The following TANGO6 variants were observed in gnomAD, a reference collection of about 807,000 sequenced individuals.
TANGO6 encodes the protein transport and golgi organization 6 homolog.
In TANGO6, 90 loss-of-function variants were observed where a neutral mutation model predicts 114.2. The observed-to-expected ratio is 0.79, with a 90% CI of 0.66 to 0.94. The LOEUF is 0.94. Ranked by LOEUF, TANGO6 falls within the 40% of genes least tolerant of loss-of-function variation. TANGO6 has a pLI of 0.00. For synonymous variants in TANGO6, 477 were observed against 509.8 expected (o/e 0.94, Z 0.87); for missense variants, 1,274 against 1,315.3 (o/e 0.97, Z 0.49).
chr16:69,046,922 A>G (rs899938129), intron 17 of TANGO6, among the ~76,000 whole-genome samples: 1 of 152,102 alleles, frequency 6.6e-6, no homozygotes, highest in Non-Finnish European at 1.5e-5. Flanking sequence ...CACGCCTGTA[A>G]TCCCAGCACT....
At chr16:68,980,435 A>ATATATATATTTT (rs1317961639) in intron 15 of TANGO6, among the ~76,000 whole-genome samples, 8 of 61,776 alleles carry the variant, frequency 1.3e-4, no homozygotes, top group African/African-American at 5.0e-4. Context: ...ATATATATAT[A>ATATATATATTTT]TTTTTTTTTT....
chr16:68,850,430 C>A (rs1293547182), intron 1 of TANGO6, among the ~76,000 whole-genome samples: 4 of 152,064 alleles, frequency 2.6e-5, no homozygotes, highest in Non-Finnish European at 1.5e-5. Context: ...AATGTGTAAT[C>A]ACACAATACA....
chr16:68,985,346 G>A (rs530959021), intron 15 of TANGO6, among the ~76,000 whole-genome samples: 5 of 152,246 alleles, frequency 3.3e-5, no homozygotes, highest in Admixed American at 6.5e-5. Context: ...AACTCCTTTT[G>A]ATGATTCTTT....
chr16:68,986,606 T>C (rs1012029185), intron 15 of TANGO6, among the ~76,000 whole-genome samples: 72 of 152,044 alleles, frequency 4.7e-4, no homozygotes, highest in Middle Eastern at 3.2e-3. Context: ...AATCCAATTT[T>C]AGAAAACGTA....
At chr16:68,917,567 G>A (rs546342141) in intron 11 of TANGO6, among the ~76,000 whole-genome samples, 6 of 152,278 alleles carry the variant, frequency 3.9e-5, no homozygotes, top group African/African-American at 1.2e-4. Context: ...ATCCTCACCA[G>A]CATTCCTGGT....
intron 7 of TANGO6, among the ~76,000 whole-genome samples, chr16:68,891,292 CA>C (rs534661540): frequency 0.011 from 927 of 84,874 alleles, no homozygotes; most frequent in African/African-American, 0.014. Context: ...AACTCCATCT[CA>C]AAAAAAAAAA....
chr16:68,893,335 C>T (rs947916737), intron 7 of TANGO6, among the ~76,000 whole-genome samples: 2 of 152,046 alleles, frequency 1.3e-5, no homozygotes, highest in Non-Finnish European at 2.9e-5. Context: ...AACTGGTCAG[C>T]GGAAATATTC....
chr16:68,926,478 A>G (rs1963168870), intron 12 of TANGO6, among the ~76,000 whole-genome samples: 1 of 151,960 alleles, frequency 6.6e-6, no homozygotes, highest in Admixed American at 6.6e-5. Flanking sequence ...TAGGCAGCAG[A>G]GCGAGACTCC....
chr16:68,932,887 A>G (rs1287923910), intron 14 of TANGO6, among the ~76,000 whole-genome samples: 3 of 152,242 alleles, frequency 2.0e-5, no homozygotes, highest in African/African-American at 7.2e-5. Flanking sequence ...TTAGTTTACT[A>G]TTCTATCATA....
chr16:68,932,777 G>T (rs1455114918), intron 14 of TANGO6, among the ~76,000 whole-genome samples: 1 of 151,544 alleles, frequency 6.6e-6, no homozygotes, highest in East Asian at 1.9e-4. Flanking sequence ...GCAACAGAGT[G>T]AGACTCCGTC....
rs145460823 is a variant in TANGO6 at position 68,963,624 on chromosome 16, C to T, written c.2702-10404C>T. Among the ~76,000 whole-genome samples the T allele has an allele frequency of 3.4e-3, 516 of 152,364 alleles. 3 individuals are homozygous for T. Among genetic ancestry groups the T allele is most frequent in the African/African-American group, 0.01 (423 of 41,588 alleles). ...GACCTAGTGCACACACATAGGTGCA[C>T]ACGCATAGGTACACACATGCTCAAA... On this transcript the variant is annotated intron_variant, in intron 14 of 17. Transcript: ENST00000261778.
chr16:68,856,925 C>T (rs762186175), intron 1 of TANGO6, among the ~76,000 whole-genome samples: 17 of 152,010 alleles, frequency 1.1e-4, no homozygotes, highest in Admixed American at 2.6e-4. Context: ...CTGGCTAACA[C>T]GGTGAAACCC....
At chr16:69,055,436 G>T (rs1960018573) in intron 17 of TANGO6, among the ~76,000 whole-genome samples, 1 of 152,180 alleles carries the variant, frequency 6.6e-6, no homozygotes, top group Non-Finnish European at 1.5e-5. Flanking sequence ...ACTGATGGTG[G>T]CCCAGTGTTA....
At chr16:68,849,974 T>C (rs1047887091) in intron 1 of TANGO6, among the ~76,000 whole-genome samples, 2 of 146,222 alleles carry the variant, frequency 1.4e-5, no homozygotes, top group African/African-American at 2.5e-5. Flanking sequence ...AGCGGTTCTT[T>C]TTTTTTTTTT....
At chr16:69,036,841 T>G (rs1167425096) in intron 16 of TANGO6, among the ~76,000 whole-genome samples, 1 of 152,030 alleles carries the variant, frequency 6.6e-6, no homozygotes, top group Non-Finnish European at 1.5e-5. Flanking sequence ...TACACGCCTG[T>G]AGTCCCAGCT....
chr16:68,979,075 A>C (rs185549708), intron 15 of TANGO6, among the ~76,000 whole-genome samples: 62 of 151,666 alleles, frequency 4.1e-4, no homozygotes, highest in African/African-American at 1.5e-3. Flanking sequence ...GTGCGCCACC[A>C]TACCTGGCTA....
In TANGO6 at chr16:68,867,155, C is replaced by T. The variant is rs1962191865; in HGVS notation, c.929C>T (p.Ser310Phe). ...WLRRLCGQLL[S>F]ERLMRPNGVQ... ...CGGCGTCTATGTGGACAGCTGCTCTCTGAAAGGTTAATGAGACCTAATGGT... is the reference window on the plus strand; with the variant it reads ...CGGCGTCTATGTGGACAGCTGCTCTTTGAAAGGTTAATGAGACCTAATGGT... The change falls in exon 4 of 18, where the codon TCT (serine) becomes TTT (phenylalanine). Residue 310 changes from serine (S) to phenylalanine (F), a missense_variant. Coordinates refer to ENST00000261778, the MANE Select transcript of TANGO6 (RefSeq NM_024562.2). 6.2e-7 allele frequency: 1 copy of T among 1,613,910 alleles called. No homozygotes were observed. The highest frequency in any genetic ancestry group is 8.5e-7 in the Non-Finnish European group (1 of 1,179,876).
chr16:68,953,661 G>A (rs1327850790), intron 14 of TANGO6, among the ~76,000 whole-genome samples: 1 of 152,004 alleles, frequency 6.6e-6, no homozygotes, highest in Non-Finnish European at 1.5e-5. Flanking sequence ...GTTCTGTAGG[G>A]AAGATACTTA....
At chr16:69,035,140 T>C (rs1304973573) in intron 16 of TANGO6, 1 of 152,144 alleles carries the variant, frequency 6.6e-6, no homozygotes, top group Non-Finnish European at 1.5e-5. Context: ...ATGACCTGAA[T>C]TTACTATCAG....
Sources: allele counts gnomAD v4.1 joint callset (sites outside exome capture counted in the v4.1 genomes callset), GRCh38; gene constraint gnomAD v4.1.1; transcripts MANE v1.5; gene names NCBI Gene and HGNC (gene_info 2026-07-23, HGNC 2026-07-21).